The following MOSPD2 variants were observed in gnomAD, a reference collection of about 807,000 sequenced individuals.
The protein encoded by MOSPD2 is motile sperm domain containing 2, also known as motile sperm domain-containing protein 2.
Under a neutral mutation model 41.7 loss-of-function variants are expected in MOSPD2, and 5 were observed. That is an observed-to-expected ratio of 0.12 (90% CI 0.06 to 0.25). The LOEUF is 0.25. Ranked by LOEUF, MOSPD2 falls within the 10% of genes least tolerant of loss-of-function variation. The pLI is 1.00. For missense variants in MOSPD2, 282 were observed against 375.2 expected, an observed-to-expected ratio of 0.75 and a Z score of 2.05; for synonymous variants, 115 against 126.9, an observed-to-expected ratio of 0.91 and a Z score of 0.63.
At chrX:14,894,552 G>A (rs1206408109) in intron 3 of MOSPD2, among the ~76,000 whole-genome samples, 6 of 110,031 alleles carry the variant, frequency 5.5e-5, no homozygotes, top group South Asian at 3.8e-4. Context: ...TCCTGACCTC[G>A]TGATCTGCCC....
chrX:14,888,379 G>T (rs945368148), intron 2 of MOSPD2, among the ~76,000 whole-genome samples: 2 of 110,257 alleles, frequency 1.8e-5, no homozygotes, highest in Non-Finnish European at 3.8e-5. Flanking sequence ...GAATTATGGG[G>T]GCAGGTCTTT....
intron 2 of MOSPD2, chrX:14,885,526 A>G (rs984235814): frequency 8.9e-6 from 1 of 112,208 alleles, no homozygotes; most frequent in East Asian, 2.8e-4. Context: ...AATAATTCCT[A>G]TAAAGTCAGG....
rs1339412619 is a variant in MOSPD2 at position 14,915,600 on chromosome X, T to C, written c.1090-68T>C. On this transcript the variant is annotated intron_variant, in intron 11 of 14. Coordinates refer to ENST00000380492, the MANE Select transcript of MOSPD2 (RefSeq NM_152581.4). ...AAAATAAAAATAAATTTTTTTAAAG[T>C]CATTCTTAAGCCATTTCCCCCCAAA... 2.2e-5 allele frequency: 15 copies of C among 680,244 alleles called. No homozygotes were observed. The East Asian group carries it at 5.4e-4, about 24-fold the overall frequency. 56.1% of individuals were successfully genotyped at this position (680,244 alleles called of 1,213,427 possible). A position where few individuals can be genotyped will look rare whatever the true frequency, so the allele number is the denominator to read the frequency against.
intron 12 of MOSPD2, 30 bp from the exon 13 acceptor site, chrX:14,916,167 T>G (rs750888213): frequency 4.1e-6 from 5 of 1,211,106 alleles, no homozygotes; most frequent in South Asian, 1.8e-5. Context: ...GGTTCCTGTT[T>G]ATATGCTGAA....
intron 14 of MOSPD2, 39 bp downstream of exon 14, chrX:14,918,821 T>C (rs1244536958): frequency 1.1e-6 from 1 of 884,332 alleles, no homozygotes; most frequent in Admixed American, 2.4e-5. Context: ...AAGTTGTTAA[T>C]GCTGATCAAC....
chrX:14,900,500 A>G lies in MOSPD2; in HGVS notation c.478-75A>G, dbSNP rs2092571122. The G allele has an allele frequency of 3.3e-5, 15 of 452,065 alleles. No homozygotes were observed. The South Asian group carries it at 6.6e-4, about 20-fold the overall frequency. 37.3% of individuals were successfully genotyped at this position (452,065 alleles called of 1,213,427 possible). Reference sequence around the variant, plus strand: ...ATAATTGTCTCACTTGTATTTAATAATTTATCACCTTTAGAAATGTGCAAT... The same window carrying G: ...ATAATTGTCTCACTTGTATTTAATAGTTTATCACCTTTAGAAATGTGCAAT... On this transcript the variant is annotated intron_variant, in intron 5 of 14. Transcript: ENST00000380492.
rs1478195809 is a variant in MOSPD2, at chrX:14,912,301, C to T, written c.932C>T (p.Ser311Leu). The T allele has an allele frequency of 1.1e-5, 13 of 1,189,654 alleles. No homozygotes were observed. Among genetic ancestry groups the T allele is most frequent in the East Asian group, 3.1e-5 (1 of 32,748 alleles). The change falls in exon 10 of 15, where the codon TCA (serine) becomes TTA (leucine). Residue 311 changes from serine (S) to leucine (L), a missense_variant. Physicochemically the swap from Ser to Leu is moderately radical, Grantham distance 145. Around this residue, in one of 3 missense-constraint regions of MOSPD2, gnomAD observed 187 missense variants for 256.6 expected, o/e 0.73. Coordinates refer to ENST00000380492, the MANE Select transcript of MOSPD2 (RefSeq NM_152581.4). ...GCAGAAGAAAATGAAAAAGTTGATT[C>T]AAAAGTGAAAGCTTTCAAGAAACCA... is the stretch of plus-strand genomic sequence containing the variant. ...SKAEENEKVD[S>L]KVKAFKKPLS...
At position 14,900,564 on chromosome X, in the gene MOSPD2, C is replaced by G; in HGVS notation, c.478-11C>G. On this transcript the variant is annotated splice_polypyrimidine_tract_variant and intron_variant, in intron 5 of 14. Coordinates refer to ENST00000380492, the MANE Select transcript of MOSPD2 (RefSeq NM_152581.4). ...ATGTGGACAGTCTTAAAGATTTAAT[C>G]TTTATTTTAGGACATGGACTTTGTA... 9.3e-7 allele frequency: 1 copy of G among 1,075,795 alleles called. No individual in the cohort carries two copies. The highest frequency in any genetic ancestry group is 2.2e-5 in the South Asian group (1 of 44,642). The allele number at this position is 1,075,795 out of a possible 1,213,427, so 88.7% of individuals were successfully genotyped here. A position where few individuals can be genotyped will look rare whatever the true frequency, so the allele number is the denominator to read the frequency against.
chrX:14,876,290 C>T (rs2092520017), intron 2 of MOSPD2, among the ~76,000 whole-genome samples: 1 of 112,053 alleles, frequency 8.9e-6, no homozygotes, highest in South Asian at 3.7e-4. Flanking sequence ...TTCTTTCACC[C>T]TTTCTATTGT....
At position 14,920,973 on chromosome X, in the gene MOSPD2, A is replaced by G; in HGVS notation, c.*1164A>G. 1 of 755,278 alleles carries G rather than the reference A, an allele frequency of 1.3e-6. No individual in the cohort carries two copies. The highest frequency in any genetic ancestry group is 1.6e-6 in the Non-Finnish European group (1 of 639,933). The allele number at this position is 755,278 out of a possible 1,213,427, so 62.2% of individuals were successfully genotyped here. On this transcript the variant is annotated 3_prime_UTR_variant, in exon 15 of 15. Coordinates refer to ENST00000380492, the MANE Select transcript of MOSPD2 (RefSeq NM_152581.4). ...TGATGATCTGTGAAACCTTCAAACT[A>G]GGACCAATTGACTTACTTGATATTC...
intron 10 of MOSPD2, 110 bp downstream of exon 10, chrX:14,912,471 T>A: frequency 2.1e-6 from 1 of 483,294 alleles, no homozygotes. Flanking sequence ...TGTAGAAATA[T>A]AAAACCAAGA....
At chrX:14,915,920 C>T (rs1027666746) in intron 12 of MOSPD2, among the ~76,000 whole-genome samples, 156 bp downstream of exon 12, 1 of 112,371 alleles carries the variant, frequency 8.9e-6, no homozygotes, top group Non-Finnish European at 1.9e-5. Context: ...TCTTTTTTCC[C>T]ACATGTGAAA....
chrX:14,888,131 G>A (rs1255490199), intron 2 of MOSPD2, among the ~76,000 whole-genome samples: 2 of 105,729 alleles, frequency 1.9e-5, no homozygotes, highest in Admixed American at 1.0e-4. Flanking sequence ...TTTTGATGTG[G>A]TTTTCACTGG....
chrX:14,887,149 A>G (rs968726644), intron 2 of MOSPD2, among the ~76,000 whole-genome samples: 1 of 112,138 alleles, frequency 8.9e-6, no homozygotes, highest in Non-Finnish European at 1.9e-5. Context: ...TTAAACTACT[A>G]TAATGATCTA....
At position 14,908,777 on chromosome X, in the gene MOSPD2, G is replaced by A. The variant is rs1458276745; in HGVS notation, c.578-83G>A. The A allele has an allele frequency of 3.3e-6, 3 of 917,121 alleles. No individual in the cohort carries two copies. The African/African-American group carries it at 6.0e-5, about 18-fold the overall frequency. 75.6% of individuals were successfully genotyped at this position (917,121 alleles called of 1,213,427 possible). ...CAGATTATAGCCCAAACTGATTTCA[G>A]AAGACCTGGGTTAGCATTTATGGTA... On this transcript the variant is annotated intron_variant, in intron 7 of 14. Coordinates refer to ENST00000380492, the MANE Select transcript of MOSPD2 (RefSeq NM_152581.4).
At chrX:14,901,966 TTATA>T (rs760567070) in intron 6 of MOSPD2, among the ~76,000 whole-genome samples, 1 of 106,806 alleles carries the variant, frequency 9.4e-6, no homozygotes. Context: ...ACTAGAGATT[TTATA>T]TATATATATA....
chrX:14,890,915 CT>C (rs1468124726), intron 2 of MOSPD2, among the ~76,000 whole-genome samples: 5 of 111,565 alleles, frequency 4.5e-5, no homozygotes, highest in African/African-American at 1.6e-4. Flanking sequence ...GTTTTGTTTT[CT>C]TTTGTTTTTT....
chrX:14,883,056 G>A (rs1011521200), intron 2 of MOSPD2, among the ~76,000 whole-genome samples: 2 of 110,437 alleles, frequency 1.8e-5, no homozygotes, highest in Non-Finnish European at 3.8e-5. Flanking sequence ...TTAGCCGGTC[G>A]TGGTGGTGGG....
chrX:14,897,069 A>G lies in MOSPD2; in HGVS notation c.323-15A>G, dbSNP rs1243605569. ...TGCCATAAGTCTTGTTCTTATTTTTATCTTCTGCTTAAAGTCTGGATCAGG... is the reference window on the plus strand; with the variant it reads ...TGCCATAAGTCTTGTTCTTATTTTTGTCTTCTGCTTAAAGTCTGGATCAGG... On this transcript the variant is annotated splice_polypyrimidine_tract_variant and intron_variant, in intron 4 of 14. Transcript: ENST00000380492. 1.7e-6 allele frequency: 2 copies of G among 1,153,190 alleles called. No homozygotes were observed. The highest frequency in any genetic ancestry group is 2.7e-5 in the Admixed American group (1 of 36,881).
Sources: gnomAD v4.1 joint callset for allele counts (sites outside exome capture counted in the v4.1 genomes callset) on GRCh38, gnomAD v4.1.1 for gene constraint, gnomAD v4.1.1 regional missense constraint, MANE v1.5 for transcripts, NCBI Gene and HGNC (gene_info 2026-07-23, HGNC 2026-07-21) for gene names.